The following PDGFRL variants were observed in gnomAD, a reference collection of about 807,000 sequenced individuals.
The protein encoded by PDGFRL is platelet derived growth factor receptor like.
Under a neutral mutation model 37.2 loss-of-function variants are expected in PDGFRL, and 46 were observed. The ratio of observed to expected loss-of-function variants is 1.24; its 90% CI spans 0.98 to 1.58. The LOEUF (loss-of-function observed/expected upper bound fraction) is 1.58. Among genes scored for constraint, PDGFRL ranks in the 40% most tolerant of loss-of-function variants. The pLI, the probability that PDGFRL is intolerant of heterozygous loss-of-function variation, is 0.00. For synonymous variants in PDGFRL, 251 were observed against 184.3 expected (o/e 1.36, Z -2.93); for missense variants, 692 against 467.6 (o/e 1.48, Z -4.43).
chr8:17,625,568 AAAAC>A lies in PDGFRL; in HGVS notation c.506-2914_506-2911del, dbSNP rs1804717528. Among the ~76,000 whole-genome samples, 3 of 152,338 alleles carry A rather than the reference AAAAC, an allele frequency of 2.0e-5. No individual in the cohort carries two copies. In the South Asian group the frequency reaches 6.2e-4, roughly 32 times the overall value. ...GGGACATGTGTAATCTATAATTATT[AAAAC>A]AAACTTCAACACTTTGTTATTGTTG... On this transcript the variant is annotated intron_variant, in intron 3 of 5. Coordinates refer to ENST00000251630, the MANE Select transcript of PDGFRL (RefSeq NM_001372073.1).
intron 5 of PDGFRL, among the ~76,000 whole-genome samples, chr8:17,639,922 GGTTT>G (rs1182879670): frequency 2.6e-5 from 4 of 151,940 alleles, no homozygotes; most frequent in East Asian, 3.9e-4. Flanking sequence ...ATTATTCTTA[GGTTT>G]GTTTGTTTAA....
At chr8:17,628,445 G>T (rs749642284) in intron 3 of PDGFRL, 42 bp from the exon 4 acceptor site, 5 of 1,540,216 alleles carry the variant, frequency 3.2e-6, no homozygotes, top group Non-Finnish European at 4.5e-6. Context: ...TTTACTTTGC[G>T]TCTCCGGAGT....
intron 2 of PDGFRL, among the ~76,000 whole-genome samples, chr8:17,607,327 G>A (rs563827091): frequency 2.0e-5 from 3 of 152,020 alleles, no homozygotes; most frequent in African/African-American, 4.8e-5. Flanking sequence ...GTTGAAGCAC[G>A]TTCTATAGTT....
intron 1 of PDGFRL, among the ~76,000 whole-genome samples, chr8:17,584,049 C>T (rs1803764843): frequency 6.6e-6 from 1 of 152,254 alleles, no homozygotes; most frequent in East Asian, 1.9e-4. Flanking sequence ...GTATAAATGT[C>T]TGGATGGTAA....
intron 2 of PDGFRL, among the ~76,000 whole-genome samples, chr8:17,614,793 G>A (rs1177103547): frequency 1.3e-5 from 2 of 152,080 alleles, no homozygotes; most frequent in Non-Finnish European, 2.9e-5. Context: ...TCCAACAGAG[G>A]CAGCACAGAG....
chr8:17,592,432 G>A (rs1367584545), intron 2 of PDGFRL, among the ~76,000 whole-genome samples: 1 of 152,166 alleles, frequency 6.6e-6, no homozygotes, highest in East Asian at 1.9e-4. Context: ...AAAAGTCAGA[G>A]TTCAGCGTGT....
In PDGFRL at chr8:17,628,746, G is replaced by C. The variant is rs776507692; in HGVS notation, c.765G>C (p.Gln255His). 3 of 1,614,132 alleles carry C rather than the reference G, an allele frequency of 1.9e-6. No individual in the cohort carries two copies. The highest frequency in any genetic ancestry group is 2.5e-6 in the Non-Finnish European group (3 of 1,179,966). ...YCRAEAGGRSQISVKYQLLYV... is the reference protein window; with the variant it reads ...YCRAEAGGRSHISVKYQLLYV... ...GGGCGGAGGCCGGGGGCAGATCTCAGATCTCCGTCAAGTACCAGCTGCTCT... is the reference window on the plus strand; with the variant it reads ...GGGCGGAGGCCGGGGGCAGATCTCACATCTCCGTCAAGTACCAGCTGCTCT... Residue 255 changes from glutamine to histidine, a missense_variant, in exon 4 of 6, where the codon CAG (glutamine) becomes CAC (histidine). Gln to His is a conservative substitution (Grantham distance 24). Transcript: ENST00000251630.
At chr8:17,625,979 C>A (rs3862085) in intron 3 of PDGFRL, among the ~76,000 whole-genome samples, 100,635 of 152,110 alleles carry the variant, frequency 0.66, 36,246 homozygotes, top group Non-Finnish European at 0.81. Context: ...TGGGCAACAG[C>A]GTGAGACCCT....
At chr8:17,586,676 C>G (rs960244679) in intron 1 of PDGFRL, among the ~76,000 whole-genome samples, 2 of 152,146 alleles carry the variant, frequency 1.3e-5, no homozygotes, top group African/African-American at 4.8e-5. Flanking sequence ...CTAGCAATCA[C>G]TTACTGTAGG....
At chr8:17,630,464 A>G (rs1400242520) in intron 4 of PDGFRL, among the ~76,000 whole-genome samples, 2 of 152,132 alleles carry the variant, frequency 1.3e-5, no homozygotes, top group African/African-American at 4.8e-5. Flanking sequence ...TTGATATCCA[A>G]CAGGCTTGCT....
At chr8:17,582,336 T>A (rs1803724637) in intron 1 of PDGFRL, among the ~76,000 whole-genome samples, 1 of 152,082 alleles carries the variant, frequency 6.6e-6, no homozygotes, top group African/African-American at 2.4e-5. Context: ...ACGCCTGTAA[T>A]CCCAGCACTT....
At chr8:17,613,873 A>G (rs1385007113) in intron 2 of PDGFRL, among the ~76,000 whole-genome samples, 1 of 152,162 alleles carries the variant, frequency 6.6e-6, no homozygotes, top group East Asian at 1.9e-4. Flanking sequence ...AAGAAAAGCT[A>G]CCTTAAAAAT....
At chr8:17,597,149 T>C (rs768460270) in intron 2 of PDGFRL, among the ~76,000 whole-genome samples, 1 of 152,238 alleles carries the variant, frequency 6.6e-6, no homozygotes, top group Non-Finnish European at 1.5e-5. Flanking sequence ...GCCTCCCGAG[T>C]AGCTGATACT....
chr8:17,590,088 G>A (rs568524301), intron 2 of PDGFRL, among the ~76,000 whole-genome samples: 430 of 151,246 alleles, frequency 2.8e-3, no homozygotes, highest in African/African-American at 1.0e-2. Context: ...AAAATTAGCT[G>A]GGCGTGGTGG....
intron 3 of PDGFRL, 54 bp from the exon 4 acceptor site, chr8:17,628,433 C>G: frequency 2.1e-6 from 3 of 1,445,372 alleles, no homozygotes; most frequent in Non-Finnish European, 2.9e-6. Context: ...CTTAAGGGTG[C>G]TTTTACTTTG....
intron 2 of PDGFRL, among the ~76,000 whole-genome samples, chr8:17,620,215 G>C (rs1804603200): frequency 6.6e-6 from 1 of 152,108 alleles, no homozygotes; most frequent in Admixed American, 6.6e-5. Flanking sequence ...TCCCATCTTG[G>C]CCTCTCAAAA....
In PDGFRL at chr8:17,628,736, G is replaced by C. The variant is rs746979097; in HGVS notation, c.755G>C (p.Gly252Ala). The change falls in exon 4 of 6, where the codon GGC becomes GCC. Residue 252 changes from glycine to alanine, a missense_variant. Physicochemically the swap from Gly to Ala is moderately conservative, Grantham distance 60. Coordinates refer to ENST00000251630, the MANE Select transcript of PDGFRL (RefSeq NM_001372073.1). ...GTTTACTGCAGGGCGGAGGCCGGGG[G>C]CAGATCTCAGATCTCCGTCAAGTAC... is the stretch of plus-strand genomic sequence containing the variant. ...GVVYCRAEAGGRSQISVKYQL... is the reference protein window; with the variant it reads ...GVVYCRAEAGARSQISVKYQL... The C allele has an allele frequency of 6.2e-7, 1 of 1,614,104 alleles. No homozygotes were observed. The highest frequency in any genetic ancestry group is 2.2e-5 in the East Asian group (1 of 44,874).
At chr8:17,596,861 G>A (rs1327354049) in intron 2 of PDGFRL, among the ~76,000 whole-genome samples, 1 of 152,168 alleles carries the variant, frequency 6.6e-6, no homozygotes, top group East Asian at 1.9e-4. Context: ...TTCAAGAAAC[G>A]GACTCTTGAC....
rs569659642 is a variant in PDGFRL, at chr8:17,612,343, C to T, written c.354-8708C>T. Among the ~76,000 whole-genome samples the T allele has an allele frequency of 4.6e-5, 7 of 151,410 alleles. No homozygotes were observed. The South Asian group carries it at 1.5e-3, about 32-fold the overall frequency. Reference sequence around the variant, plus strand: ...AGCTTTTCTTTTCTTTTCTCTCTTCCCTCTTCCTTCTTCCTTCTCCTCTCT... The same window carrying T: ...AGCTTTTCTTTTCTTTTCTCTCTTCTCTCTTCCTTCTTCCTTCTCCTCTCT... On this transcript the variant is annotated intron_variant, in intron 2 of 5. Transcript: ENST00000251630.
Sources: allele counts gnomAD v4.1 joint callset (sites outside exome capture counted in the v4.1 genomes callset), GRCh38; gene constraint gnomAD v4.1.1; transcripts MANE v1.5; gene names NCBI Gene and HGNC (gene_info 2026-07-23, HGNC 2026-07-21).